Variants in USP50 observed in about 807,000 individuals in gnomAD.
The protein encoded by USP50 is ubiquitin specific peptidase 50.
Under a neutral mutation model 39.2 loss-of-function variants are expected in USP50, and 37 were observed. That is an observed-to-expected ratio of 0.94 (90% CI 0.73 to 1.24). The LOEUF is 1.24. Among genes scored for constraint, USP50 ranks in the 50% most tolerant of loss-of-function variants. The pLI is 0.00. For missense variants in USP50, 374 were observed against 398.2 expected (o/e 0.94, Z 0.52); for synonymous variants, 139 against 144.5 (o/e 0.96, Z 0.27).
downstream of USP50, chr15:50,495,956 G>A (rs1566892519): frequency 6.2e-7 from 1 of 1,613,776 alleles, no homozygotes; most frequent in Admixed American, 1.7e-5. Context: ...GTCTATTATT[G>A]TTGCACTTTT....
chr15:50,543,515 T>C (rs1479388303), intron 3 of USP50, 83 bp downstream of exon 3: 2 of 1,345,160 alleles, frequency 1.5e-6, no homozygotes, highest in Non-Finnish European at 2.1e-6. Context: ...ACAATATTAA[T>C]TGAACAAGTA....
chr15:50,527,291 G>A lies in USP50; in HGVS notation c.936+2506C>T, dbSNP rs543069623. Among the ~76,000 whole-genome samples, 93 of 152,144 alleles carry A rather than the reference G, an allele frequency of 6.1e-4. 3 individuals are homozygous for A. The South Asian group carries it at 0.017, about 28-fold the overall frequency. ...ACGATCTCAGCTCACTGCAACCTCC[G>A]CCTCCCAGGTTCAAGTGATTCTCCT... On this transcript the variant is annotated intron_variant, in intron 6 of 6. Coordinates refer to ENST00000532404, the MANE Select transcript of USP50 (RefSeq NM_203494.5).
chr15:50,540,096 T>G (rs559225304), intron 4 of USP50, among the ~76,000 whole-genome samples: 1 of 152,350 alleles, frequency 6.6e-6, no homozygotes, highest in African/African-American at 2.4e-5. Flanking sequence ...CAATAAAATG[T>G]GCTTTCGTAA....
chr15:50,533,193 A>G (rs1265999181), intron 5 of USP50, among the ~76,000 whole-genome samples: 1 of 151,476 alleles, frequency 6.6e-6, no homozygotes, highest in East Asian at 1.9e-4. Context: ...ATAGACTAAA[A>G]AAAAAAAAAA....
At chr15:50,495,483 T>TG (rs1491273851) in intron 1 of USP50, among the ~76,000 whole-genome samples, 1,788 of 94,254 alleles carry the variant, frequency 0.019, 32 homozygotes, top group African/African-American at 0.022. Context: ...TAGTAGAGAT[T>TG]GGAGGGGGGG....
chr15:50,533,726 A>G lies in USP50; in HGVS notation c.804-3797T>C, dbSNP rs140770045. ...GCAAGAATGTTAAAAGAGGTCTGGC[A>G]CGGTGGCTCATGCCTGTAATCCCAG... is the stretch of plus-strand genomic sequence containing the variant. On this transcript the variant is annotated intron_variant, in intron 5 of 6. Transcript: ENST00000532404. Among the ~76,000 whole-genome samples, 7 of 152,296 alleles carry G rather than the reference A, an allele frequency of 4.6e-5. No individual in the cohort carries two copies. In the East Asian group the frequency reaches 1.4e-3, roughly 29 times the overall value.
intron 6 of USP50, among the ~76,000 whole-genome samples, chr15:50,523,174 G>GTTTTTTTTT (rs1566906899): frequency 1.2e-5 from 1 of 83,966 alleles, no homozygotes. Context: ...AAAATCAGTA[G>GTTTTTTTTT]CTTTTTTTTT....
At chr15:50,494,584 A>C (rs1033229101) in intron 1 of USP50, among the ~76,000 whole-genome samples, 1 of 152,268 alleles carries the variant, frequency 6.6e-6, no homozygotes, top group African/African-American at 2.4e-5. Flanking sequence ...AAAAGATTAT[A>C]GACAGTTTGA....
chr15:50,546,613 G>T lies in USP50; in HGVS notation c.-88C>A. On this transcript the variant is annotated 5_prime_UTR_variant, in exon 1 of 7. Transcript: ENST00000532404. ...CATTTCTCTGAGCCTGTTAACGCTG[G>T]CTTTTTGTTTTAAACAATTGATATG... 1.3e-6 allele frequency: 2 copies of T among 1,497,858 alleles called. No individual in the cohort carries two copies. Among genetic ancestry groups the T allele is most frequent in the Non-Finnish European group, 1.9e-6 (2 of 1,078,360 alleles). The allele number at this position is 1,497,858 out of a possible 1,614,324, so 92.8% of individuals were successfully genotyped here. A position where few individuals can be genotyped will look rare whatever the true frequency, so the allele number is the denominator to read the frequency against.
chr15:50,520,707 T>C (rs2052842999), intron 6 of USP50, among the ~76,000 whole-genome samples: 1 of 152,032 alleles, frequency 6.6e-6, no homozygotes, highest in Non-Finnish European at 1.5e-5. Flanking sequence ...AAGGTCGTCA[T>C]GTTAAGTGAA....
At chr15:50,545,211 TAATTA>T (rs2053062031) in intron 1 of USP50, among the ~76,000 whole-genome samples, 2 of 152,298 alleles carry the variant, frequency 1.3e-5, no homozygotes, top group South Asian at 4.1e-4. Flanking sequence ...GCTGGGCAAG[TAATTA>T]AATTATTATT....
intron 6 of USP50, chr15:50,505,636 G>A (rs536480108): frequency 6.6e-6 from 1 of 152,286 alleles, no homozygotes; most frequent in South Asian, 2.1e-4. Context: ...AGAAAACCAT[G>A]ATAATGTCTC....
At chr15:50,496,880 C>T (rs2052434261), downstream of USP50, 1 of 500,338 alleles carries the variant, frequency 2.0e-6, no homozygotes, top group Non-Finnish European at 3.4e-6. Context: ...TCACAACACA[C>T]TGTAGGTAGC....
At chr15:50,546,404 C>T (rs1237073288) in intron 1 of USP50, 69 bp downstream of exon 1, 1 of 1,556,006 alleles carries the variant, frequency 6.4e-7, no homozygotes, top group Non-Finnish European at 8.9e-7. Context: ...TGTGTGTCCC[C>T]TGACTCCTCT....
At chr15:50,515,773 G>T (rs1378297085) in intron 6 of USP50, among the ~76,000 whole-genome samples, 1 of 151,904 alleles carries the variant, frequency 6.6e-6, no homozygotes, top group Non-Finnish European at 1.5e-5. Context: ...TAGTTCTCTT[G>T]TCTGGTAAAA....
chr15:50,495,744 C>T (rs1480668531), downstream of USP50: 3 of 879,150 alleles, frequency 3.4e-6, no homozygotes, highest in South Asian at 3.6e-5. Context: ...ATGAGAACTA[C>T]AGGTGTTTCT....
At chr15:50,509,115 A>G (rs1361726986) in intron 6 of USP50, 2 of 134,042 alleles carry the variant, frequency 1.5e-5, no homozygotes, top group Non-Finnish European at 1.6e-5. Context: ...CCTGGGCGAC[A>G]GAGCGAGACT....
chr15:50,537,836 G>A (rs1023549684), intron 5 of USP50, among the ~76,000 whole-genome samples: 12 of 127,226 alleles, frequency 9.4e-5, no homozygotes, highest in Admixed American at 5.8e-4. Context: ...TCCAGCCTGG[G>A]TGACAAAGCA....
intron 5 of USP50, 112 bp downstream of exon 5, chr15:50,538,597 T>C: frequency 8.5e-7 from 1 of 1,169,746 alleles, no homozygotes; most frequent in Non-Finnish European, 1.2e-6. Context: ...TAATGTAATA[T>C]ACCAAATATC....
Sources: gnomAD v4.1 joint callset for allele counts (sites outside exome capture counted in the v4.1 genomes callset) on GRCh38, gnomAD v4.1.1 for gene constraint, MANE v1.5 for transcripts, NCBI Gene and HGNC (gene_info 2026-07-23, HGNC 2026-07-21) for gene names.